The following DLST variants were observed in gnomAD, a reference collection of about 807,000 sequenced individuals.
The protein encoded by DLST is dihydrolipoyllysine-residue succinyltransferase component of 2-oxoglutarate dehydrogenase complex, mitochondrial.
A neutral mutation model predicts 53.1 loss-of-function variants in DLST; 17 were observed. The ratio of observed to expected loss-of-function variants is 0.32; its 90% CI spans 0.22 to 0.48. The LOEUF is 0.48. Ranked by LOEUF, DLST falls within the 20% of genes least tolerant of loss-of-function variation. The pLI is 0.99. For missense variants in DLST, 512 were observed against 583.9 expected (o/e 0.88, Z 1.27); for synonymous variants, 206 against 204.8 (o/e 1.01, Z -0.05).
intron 14 of DLST, 118 bp from the exon 15 acceptor site, chr14:74,902,078 A>C: frequency 9.0e-7 from 1 of 1,115,880 alleles, no homozygotes; most frequent in Non-Finnish European, 1.2e-6. Flanking sequence ...ATGCAGAGGC[A>C]ACATCAATAG....
chr14:74,885,552 AGTT>A lies in DLST; in HGVS notation c.98-29_98-27del, dbSNP rs763701838. ...CAGCATGTATCCTTTGTGAGATAAGAGTTGTTGGTTAAGAGTTATTTTGTTTCT... is the reference window on the plus strand; with the variant it reads ...CAGCATGTATCCTTTGTGAGATAAGAGTTGGTTAAGAGTTATTTTGTTTCT... On this transcript the variant is annotated intron_variant, in intron 2 of 14. Coordinates refer to ENST00000334220, the MANE Select transcript of DLST (RefSeq NM_001933.5). 4.3e-6 allele frequency: 7 copies of A among 1,610,386 alleles called. No individual in the cohort carries two copies. In the South Asian group the frequency reaches 6.6e-5, roughly 15 times the overall value.
At position 74,889,167 on chromosome 14, in the gene DLST, G is replaced by A. The variant is rs755919109; in HGVS notation, c.199+20G>A. 7 of 1,613,814 alleles carry A rather than the reference G, an allele frequency of 4.3e-6. No homozygotes were observed. The Admixed American group carries it at 1.2e-4, about 27-fold the overall frequency. ...TATGCAGTAAGTACCTGCTTTCTTG[G>A]GAATGGAATTTTATGGGAAGAGCAA... On this transcript the variant is annotated intron_variant, in intron 4 of 14. Coordinates refer to ENST00000334220, the MANE Select transcript of DLST (RefSeq NM_001933.5).
chr14:74,902,143 G>A lies in DLST; in HGVS notation c.1228-53G>A, dbSNP rs1594883603. The A allele has an allele frequency of 3.5e-5, 51 of 1,474,722 alleles. No individual in the cohort carries two copies. In the South Asian group the frequency reaches 5.3e-4, roughly 15 times the overall value. The allele number at this position is 1,474,722 out of a possible 1,614,324, so 91.4% of individuals were successfully genotyped here. Reference sequence around the variant, plus strand: ...TGGGCTGTGCTAAATCTCCTTCAGCGAGGCTGGCTGTGGCTTGCTGGAGAC... The same window carrying A: ...TGGGCTGTGCTAAATCTCCTTCAGCAAGGCTGGCTGTGGCTTGCTGGAGAC... On this transcript the variant is annotated intron_variant, in intron 14 of 14. Coordinates refer to ENST00000334220, the MANE Select transcript of DLST (RefSeq NM_001933.5).
intron 12 of DLST, 135 bp from the exon 13 acceptor site, chr14:74,900,154 T>C (rs892242129): frequency 2.4e-5 from 26 of 1,104,752 alleles, no homozygotes; most frequent in African/African-American, 6.2e-5. Context: ...CCGCATTCTT[T>C]TAACACTTTC....
At chr14:74,885,385 G>A (rs1476314165) in intron 2 of DLST, among the ~76,000 whole-genome samples, 1 of 152,036 alleles carries the variant, frequency 6.6e-6, no homozygotes, top group Non-Finnish European at 1.5e-5. Context: ...ATACCCACTC[G>A]ATCTCACATA....
chr14:74,890,035 T>A, intron 6 of DLST, 83 bp downstream of exon 6: 1 of 1,212,978 alleles, frequency 8.2e-7, no homozygotes, highest in Non-Finnish European at 1.2e-6. Flanking sequence ...TTAACCATTG[T>A]TTAGAGATAA....
chr14:74,891,718 A>G, intron 7 of DLST: 1 of 985,148 alleles, frequency 1.0e-6, no homozygotes, highest in Non-Finnish European at 1.2e-6. Context: ...TCTTAGTTAA[A>G]TTTTATAACC....
rs377599878 is a variant in DLST at position 74,902,317 on chromosome 14, T to C, written c.1349T>C (p.Leu450Pro). Reference sequence around the variant, plus strand: ...GCGGTAGAGGATCCCAGAGTCCTCCTCCTGGATCTTTAGGAGGAACCCACA... The same window carrying C: ...GCGGTAGAGGATCCCAGAGTCCTCCCCCTGGATCTTTAGGAGGAACCCACA... ...KAAVEDPRVLLLDL is the reference protein window; with the variant it reads ...KAAVEDPRVLPLDL Residue 450 changes from leucine to proline, a missense_variant, in exon 15 of 15, where the codon CTC becomes CCC. This residue lies in a region of DLST where 186 missense variants were observed against 260.4 expected (regional missense o/e 0.71). Coordinates refer to ENST00000334220, the MANE Select transcript of DLST (RefSeq NM_001933.5). 4.3e-6 allele frequency: 7 copies of C among 1,611,558 alleles called. No individual in the cohort carries two copies. In the African/African-American group the frequency reaches 9.4e-5, roughly 22 times the overall value.
chr14:74,883,330 A>G (rs560534787), intron 2 of DLST, among the ~76,000 whole-genome samples: 1 of 152,086 alleles, frequency 6.6e-6, no homozygotes, highest in South Asian at 2.1e-4. Flanking sequence ...GGCTAGCAGA[A>G]TGTGACGGAG....
intron 3 of DLST, 119 bp downstream of exon 3, chr14:74,885,753 T>C (rs1356978941): frequency 1.1e-6 from 1 of 914,366 alleles, no homozygotes; most frequent in Non-Finnish European, 1.7e-6. Context: ...TTGAGGTGAT[T>C]ATGTTGAGTC....
chr14:74,885,655 C>A lies in DLST; in HGVS notation c.146+21C>A, dbSNP rs1883677986. 4 of 1,597,932 alleles carry A rather than the reference C, an allele frequency of 2.5e-6. No homozygotes were observed. In the African/African-American group the frequency reaches 4.1e-5, roughly 16 times the overall value. On this transcript the variant is annotated intron_variant, in intron 3 of 14. Transcript: ENST00000334220. ...GTTGTGTAAGTATCACTGGGGAGTA[C>A]AGATATGTGGCCACGGGTTATTTAT... is the stretch of plus-strand genomic sequence containing the variant.
intron 8 of DLST, 99 bp from the exon 9 acceptor site, chr14:74,893,249 C>T (rs889406886): frequency 1.5e-6 from 2 of 1,364,110 alleles, no homozygotes; most frequent in East Asian, 4.6e-5. Context: ...CTCAGAATAT[C>T]TTGAAGATTA....
At position 74,901,103 on chromosome 14, in the gene DLST, G is replaced by T; in HGVS notation, c.1097G>T (p.Gly366Val). The change falls in exon 14 of 15, where the codon GGC becomes GTC. Residue 366 changes from glycine (G) to valine (V), a missense_variant. Gly to Val is a moderately radical substitution (Grantham distance 109). Around this residue, in one of 4 missense-constraint regions of DLST, gnomAD observed 186 missense variants for 260.4 expected, o/e 0.71. Coordinates refer to ENST00000334220, the MANE Select transcript of DLST (RefSeq NM_001933.5). Reference protein sequence around the residue: ...KNELAIEDMDGGTFTISNGGV... With the variant: ...KNELAIEDMDVGTFTISNGGV... ...GAACTTGCCATTGAAGATATGGATG[G>T]CGGTACCTTCACCATTAGCAATGGA... 6.2e-7 allele frequency: 1 copy of T among 1,614,098 alleles called. No homozygotes were observed. The highest frequency in any genetic ancestry group is 1.1e-5 in the South Asian group (1 of 91,064).
chr14:74,885,946 A>G (rs1883688646), intron 3 of DLST: 1 of 261,296 alleles, frequency 3.8e-6, no homozygotes, highest in Non-Finnish European at 7.3e-6. Context: ...TTTGGATGTA[A>G]GTGCAGCTGA....
intron 6 of DLST, 75 bp from the exon 7 acceptor site, chr14:74,890,981 T>G: frequency 1.3e-6 from 2 of 1,540,440 alleles, no homozygotes; most frequent in Middle Eastern, 2.4e-4. Context: ...CCTGGCTTCA[T>G]TGGAGATTCT....
chr14:74,892,773 T>A, intron 7 of DLST, 61 bp from the exon 8 acceptor site: 1 of 1,524,774 alleles, frequency 6.6e-7, no homozygotes, highest in Non-Finnish European at 8.8e-7. Flanking sequence ...GCCACTAAAT[T>A]TTGCTTGGTT....
chr14:74,885,689 A>C, intron 3 of DLST, 55 bp downstream of exon 3: 2 of 1,515,626 alleles, frequency 1.3e-6, no homozygotes, highest in Non-Finnish European at 8.9e-7. Flanking sequence ...ATTTAAAGAC[A>C]TAAAGTTCTA....
chr14:74,882,242 C>T (rs1455670101), intron 1 of DLST, among the ~76,000 whole-genome samples: 1 of 152,188 alleles, frequency 6.6e-6, no homozygotes, highest in Non-Finnish European at 1.5e-5. Context: ...GGGAACGTTT[C>T]CTGCTGTACC....
intron 7 of DLST, among the ~76,000 whole-genome samples, chr14:74,892,275 C>T (rs937527040): frequency 6.6e-6 from 1 of 152,048 alleles, no homozygotes. Flanking sequence ...TAGGGACGGG[C>T]TTTCACCATG....
Sources: allele counts gnomAD v4.1 joint callset (sites outside exome capture counted in the v4.1 genomes callset), GRCh38; gene constraint gnomAD v4.1.1; regional missense constraint gnomAD v4.1.1; transcripts MANE v1.5; gene names NCBI Gene and HGNC (gene_info 2026-07-23, HGNC 2026-07-21).